GSE1: variants seen among roughly 807,000 people sequenced by gnomAD.
GSE1 encodes the protein Gse1 coiled-coil protein, also known as genetic suppressor element 1.
In GSE1, 32 loss-of-function variants were observed where a neutral mutation model predicts 112.6. The ratio of observed to expected loss-of-function variants is 0.28; its 90% CI spans 0.21 to 0.38. The LOEUF (loss-of-function observed/expected upper bound fraction) is 0.38. Ranked by LOEUF, GSE1 falls within the 10% of genes least tolerant of loss-of-function variation. The probability of loss-of-function intolerance (pLI) is 1.00; values close to 1 mark genes in which losing one functional copy is unlikely to be tolerated. For synonymous variants in GSE1, 1,115 were observed against 735.6 expected (o/e 1.52, Z -8.35); for missense variants, 2,348 against 1,699.2 (o/e 1.38, Z -6.71).
intron 2 of GSE1, among the ~76,000 whole-genome samples, chr16:85,443,169 C>T (rs1222626454): frequency 1.3e-5 from 2 of 152,200 alleles, no homozygotes; most frequent in Admixed American, 6.5e-5. Context: ...GTTGGGGGGG[C>T]ACCGGCCAGC....
chr16:85,413,287 T>C (rs1295169167), intron 2 of GSE1, among the ~76,000 whole-genome samples: 1 of 152,074 alleles, frequency 6.6e-6, no homozygotes, highest in African/African-American at 2.4e-5. Flanking sequence ...GGTTGAGGGT[T>C]GGGAAGCCAA....
rs371068340 is a variant in GSE1 at position 85,187,335 on chromosome 16, G to A, written c.2283+15528G>A. On this transcript the variant is annotated intron_variant, in intron 1 of 2. Transcript: ENST00000637419. ...CCTTGGCTGGTGGAAGGGACAGAGC[G>A]ACGCTGGGCAGTGCTGGGGGCAGCT... Among the ~76,000 whole-genome samples the A allele has an allele frequency of 2.0e-5, 3 of 152,380 alleles. No homozygotes were observed. In the East Asian group the frequency reaches 5.8e-4, roughly 29 times the overall value.
chr16:85,518,352 G>A (rs1032361251), intron 2 of GSE1, among the ~76,000 whole-genome samples: 3 of 152,166 alleles, frequency 2.0e-5, no homozygotes, highest in East Asian at 1.9e-4. Flanking sequence ...GCCACAGGAC[G>A]GTGCCCTGAC....
chr16:85,661,294 A>C lies in GSE1; in HGVS notation c.1789A>C (p.Thr597Pro). The C allele has an allele frequency of 6.2e-7, 1 of 1,612,726 alleles. No individual in the cohort carries two copies. Among genetic ancestry groups the C allele is most frequent in the Non-Finnish European group, 8.5e-7 (1 of 1,179,938 alleles). ...PVSLMDNTLE[T>P]RRAESHSLHS... ...GTCCCTGATGGACAACACCTTGGAG[A>C]CGCGGCGGGCCGAAAGCCACTCTCT... Residue 597 changes from threonine (T) to proline (P), a missense_variant, in exon 9 of 16, where the codon ACG (threonine) becomes CCG (proline). Coordinates refer to ENST00000253458, the MANE Select transcript of GSE1 (RefSeq NM_014615.5).
intron 1 of GSE1, among the ~76,000 whole-genome samples, chr16:85,339,247 C>T (rs987038923): frequency 2.0e-5 from 3 of 152,182 alleles, no homozygotes; most frequent in Non-Finnish European, 2.9e-5. Flanking sequence ...CTAGAGTCCA[C>T]CTGGGCGTGG....
chr16:85,332,669 G>A (rs1330668051), intron 1 of GSE1, among the ~76,000 whole-genome samples: 1 of 152,150 alleles, frequency 6.6e-6, no homozygotes, highest in African/African-American at 2.4e-5. Context: ...GCCACACCGA[G>A]GGGACTGGAT....
chr16:85,607,812 C>T (rs1355590430), upstream of GSE1, among the ~76,000 whole-genome samples: 1 of 152,230 alleles, frequency 6.6e-6, no homozygotes, highest in African/African-American at 2.4e-5. Context: ...GACTGTGTCC[C>T]TGCTAGGAGA....
At chr16:85,187,361 T>C (rs1467029890) in intron 1 of GSE1, among the ~76,000 whole-genome samples, 1 of 152,222 alleles carries the variant, frequency 6.6e-6, no homozygotes, top group Non-Finnish European at 1.5e-5. Flanking sequence ...GGGGGCAGCT[T>C]CAGGCTGCGC....
chr16:85,516,379 G>A (rs1306804366), intron 2 of GSE1, among the ~76,000 whole-genome samples: 8 of 151,432 alleles, frequency 5.3e-5, no homozygotes, highest in Middle Eastern at 3.4e-3. Context: ...GGTGTGGCCC[G>A]GGGTGGTGGA....
chr16:85,282,545 A>G (rs1283206832), intron 1 of GSE1, among the ~76,000 whole-genome samples: 1 of 152,208 alleles, frequency 6.6e-6, no homozygotes, highest in African/African-American at 2.4e-5. Flanking sequence ...AGAGTCGCAC[A>G]GGATCGGGGA....
chr16:85,214,849 G>A (rs1471954568), intron 1 of GSE1, among the ~76,000 whole-genome samples: 1 of 152,154 alleles, frequency 6.6e-6, no homozygotes, highest in Non-Finnish European at 1.5e-5. Context: ...GGTGGGTGGG[G>A]GTGGGGCAGG....
At chr16:85,666,508 T>G (rs2052874483) in intron 13 of GSE1, 161 bp downstream of exon 13, 2 of 686,120 alleles carry the variant, frequency 2.9e-6, no homozygotes, top group East Asian at 2.7e-5. Context: ...AAACCATGTT[T>G]GTTTGTTTAT....
chr16:85,479,395 C>G (rs1320711196), intron 2 of GSE1, among the ~76,000 whole-genome samples: 2 of 151,716 alleles, frequency 1.3e-5, no homozygotes, highest in Non-Finnish European at 2.9e-5. Flanking sequence ...TCTCAAACTC[C>G]TGACCTCAGG....
At chr16:85,530,108 G>A (rs970926264) in intron 2 of GSE1, among the ~76,000 whole-genome samples, 1 of 152,230 alleles carries the variant, frequency 6.6e-6, no homozygotes, top group Non-Finnish European at 1.5e-5. Context: ...GGACTGTCTG[G>A]AAATCCGTGA....
At chr16:85,370,696 A>G (rs954267225) in intron 2 of GSE1, among the ~76,000 whole-genome samples, 1 of 150,934 alleles carries the variant, frequency 6.6e-6, no homozygotes, top group African/African-American at 2.4e-5. Context: ...AGCGAGTTCT[A>G]GGCCCCAACC....
At chr16:85,393,291 A>G (rs1461233235) in intron 2 of GSE1, among the ~76,000 whole-genome samples, 3 of 152,198 alleles carry the variant, frequency 2.0e-5, no homozygotes, top group African/African-American at 7.2e-5. Context: ...GCGGGGGCAC[A>G]AAATATATGA....
chr16:85,246,500 A>ATC (rs1905838406), intron 1 of GSE1, among the ~76,000 whole-genome samples: 1 of 18,512 alleles, frequency 5.4e-5, no homozygotes, highest in African/African-American at 1.7e-4. Context: ...CACTCTACAC[A>ATC]CCCCCCCCCC....
rs367594478 is a variant in GSE1, at chr16:85,661,352, G to C, written c.1847G>C (p.Arg616Pro). The part of the protein sequence containing the change: ...HSHPAAFEPS[R>P]QAAVPLVKVE... The stretch of plus-strand genomic sequence containing the variant: ...CACCCGGCTGCATTTGAGCCCAGCC[G>C]CCAGGCAGCCGTGCCGCTGGTGAAG... The change falls in exon 9 of 16, where the codon CGC becomes CCC. Residue 616 changes from arginine to proline, a missense_variant. Coordinates refer to ENST00000253458, the MANE Select transcript of GSE1 (RefSeq NM_014615.5). The C allele has an allele frequency of 1.9e-6, 3 of 1,612,018 alleles. No homozygotes were observed. In the African/African-American group the frequency reaches 4.0e-5, roughly 22 times the overall value.
At chr16:85,400,267 G>C (rs1463135500) in intron 2 of GSE1, among the ~76,000 whole-genome samples, 4 of 151,396 alleles carry the variant, frequency 2.6e-5, no homozygotes. Flanking sequence ...GTGTGTGTGT[G>C]TGTGTGTGTG....
Sources: gnomAD v4.1 joint callset for allele counts (sites outside exome capture counted in the v4.1 genomes callset) on GRCh38, gnomAD v4.1.1 for gene constraint, MANE v1.5 for transcripts, NCBI Gene and HGNC (gene_info 2026-07-23, HGNC 2026-07-21) for gene names.